DPF1: variants seen among roughly 807,000 people sequenced by gnomAD.
The protein encoded by DPF1 is zinc finger protein neuro-d4.
DPF1 carries 14 observed loss-of-function variants against 58.7 expected under a neutral mutation model. The ratio of observed to expected loss-of-function variants is 0.24; its 90% CI spans 0.16 to 0.37. DPF1 has a LOEUF of 0.37. DPF1 is among the 10% of genes least tolerant of loss of function. The pLI, the probability that DPF1 is intolerant of heterozygous loss-of-function variation, is 1.00. For missense variants in DPF1, 345 were observed against 529.9 expected, an observed-to-expected ratio of 0.65 and a Z score of 3.43; for synonymous variants, 216 against 216.0, an observed-to-expected ratio of 1.00 and a Z score of 0.00.
chr19:38,216,603 T>A, intron 7 of DPF1, 200 bp from the exon 8 acceptor site: 1 of 546,328 alleles, frequency 1.8e-6, no homozygotes, highest in Middle Eastern at 5.1e-4. Flanking sequence ...TTTTTTTCAA[T>A]TAAAAATAAA....
intron 7 of DPF1, 55 bp from the exon 8 acceptor site, chr19:38,216,458 G>T: frequency 1.3e-6 from 2 of 1,510,600 alleles, no homozygotes; most frequent in Non-Finnish European, 8.8e-7. Flanking sequence ...GCTCCACCCT[G>T]CCCCCAGCCT....
chr19:38,215,023 T>G (rs1157695828), intron 9 of DPF1, among the ~76,000 whole-genome samples: 1 of 151,274 alleles, frequency 6.6e-6, no homozygotes, highest in Admixed American at 6.6e-5. Flanking sequence ...TTTATAGAGA[T>G]GGGGTTTCAC....
intron 10 of DPF1, among the ~76,000 whole-genome samples, chr19:38,213,215 T>C (rs2146114739): frequency 6.6e-6 from 1 of 152,208 alleles, no homozygotes; most frequent in South Asian, 2.1e-4. Flanking sequence ...TCTCAGGTGG[T>C]CCACCCACCT....
chr19:38,223,494 C>T (rs1031619280), intron 1 of DPF1, among the ~76,000 whole-genome samples: 15 of 142,690 alleles, frequency 1.1e-4, no homozygotes, highest in African/African-American at 3.6e-4. Flanking sequence ...TCCACACAGA[C>T]ACACACACAT....
At position 38,217,605 on chromosome 19, in the gene DPF1, G is replaced by A. The variant is rs770848427; in HGVS notation, c.596-14C>T. On this transcript the variant is annotated splice_polypyrimidine_tract_variant and intron_variant, in intron 6 of 11. Transcript: ENST00000355526. The stretch of plus-strand genomic sequence containing the variant: ...GTTTCCCACAGACTGGGGAGCGAGC[G>A]AGCCAGGAGGGCCTGTCAGCCCCTC... The A allele has an allele frequency of 1.4e-5, 21 of 1,540,454 alleles. 1 individual carries two copies. The highest frequency in any genetic ancestry group is 2.7e-5 in the African/African-American group (2 of 72,912).
rs1967568805 is a variant in DPF1 at position 38,222,506 on chromosome 19, G to T, written c.190+42C>A. The T allele has an allele frequency of 1.3e-6, 2 of 1,595,146 alleles. No individual in the cohort carries two copies. Among genetic ancestry groups the T allele is most frequent in the Non-Finnish European group, 1.7e-6 (2 of 1,173,138 alleles). ...GTGAGAGGGCGGCGGCGGTGGGGCG[G>T]CCTGGCCCCGCCCCGCCCTGCGCCA... On this transcript the variant is annotated intron_variant, in intron 2 of 11. Coordinates refer to ENST00000355526, the MANE Select transcript of DPF1 (RefSeq NM_001135155.3). This position sits in a 1 kb window ranked among gnomAD's most constrained non-coding sequence, Gnocchi z 4.9.
Position 38,229,531 on chromosome 19 carries a change from AGGGGGC to A in DPF1, c.-132+22_-132+27del. ...GGGCTCCTGGTGGGGGGGTCTGGACAGGGGGCGGGGACGGCAGGGACACTCACGACT... is the reference window on the plus strand; with the variant it reads ...GGGCTCCTGGTGGGGGGGTCTGGACAGGGGACGGCAGGGACACTCACGACT... On this transcript the variant is annotated intron_variant, in intron 1 of 11. Transcript: ENST00000412732. The surrounding 1 kb of genome is among the most constrained non-coding windows in gnomAD (Gnocchi z 5.3). The A allele has an allele frequency of 1.2e-6, 1 of 815,252 alleles. No individual in the cohort carries two copies. Among genetic ancestry groups the A allele is most frequent in the Non-Finnish European group, 1.5e-6 (1 of 686,160 alleles). The allele number at this position is 815,252 out of a possible 1,614,324, so 50.5% of individuals were successfully genotyped here.
intron 1 of DPF1, chr19:38,223,816 G>A (rs73630117): frequency 0.014 from 4,149 of 299,266 alleles, 171 homozygotes; most frequent in African/African-American, 0.082. Flanking sequence ...CAAGGCCCCC[G>A]CACCCCCGGG....
In DPF1 at chr19:38,222,580, T is replaced by C. The variant is rs987214296; in HGVS notation, c.158A>G (p.Tyr53Cys). The C allele has an allele frequency of 6.2e-7, 1 of 1,611,692 alleles. No homozygotes were observed. Among genetic ancestry groups the C allele is most frequent in the Non-Finnish European group, 8.5e-7 (1 of 1,179,116 alleles). Residue 53 changes from tyrosine (Y) to cysteine (C), a missense_variant, in exon 2 of 12, where the codon TAC (tyrosine) becomes TGC (cysteine). Physicochemically the swap from Tyr to Cys is radical, Grantham distance 194 (BLOSUM62 -2). Coordinates refer to ENST00000355526, the MANE Select transcript of DPF1 (RefSeq NM_001135155.3). The surrounding 1 kb of genome is among the most constrained non-coding windows in gnomAD (Gnocchi z 4.9). Reference protein sequence around the residue: ...SQTGVAQNNCYIWMEKTHRGP... With the variant: ...SQTGVAQNNCCIWMEKTHRGP... ...GCGGTGGGTCTTCTCCATCCAGATG[T>C]AGCAGTTGTTCTGGGCCACGCCGGT...
At position 38,218,999 on chromosome 19, in the gene DPF1, G is replaced by C. The variant is rs766805882; in HGVS notation, c.358C>G (p.Leu120Val). The C allele has an allele frequency of 1.9e-6, 3 of 1,614,086 alleles. No homozygotes were observed. The African/African-American group carries it at 4.0e-5, about 22-fold the overall frequency. ...TTCTCCCCCGTCTCTGCACACAGTA[G>C]AGCCTCGAGGACCGGCCCTTCCGGG... ...GLPEGPVLEA[L>V]LCAETGEKKI... Residue 120 changes from leucine to valine, a missense_variant, in exon 4 of 12, where the codon CTA (leucine) becomes GTA (valine). Leu to Val is a conservative substitution (Grantham distance 32). Transcript: ENST00000355526.
rs892376384 is a variant in DPF1, at chr19:38,212,108, G to A, written c.1119C>T (p.Leu373=). ...CAGAAGCCTTTTCCTTCAGGTGCCG[G>A]AGACAGAGGTGACAGCTCCAGCTCC... ...PEGSWSCHLC[L]RHLKEKASAY... Residue 373 remains leucine (L), a synonymous_variant, in exon 12 of 12, where the codon CTC becomes CTT. Coordinates refer to ENST00000355526, the MANE Select transcript of DPF1 (RefSeq NM_001135155.3). 6 of 1,612,096 alleles carry A rather than the reference G, an allele frequency of 3.7e-6. No individual in the cohort carries two copies. Among genetic ancestry groups the A allele is most frequent in the Admixed American group, 1.7e-5 (1 of 59,856 alleles).
upstream of DPF1, among the ~76,000 whole-genome samples, chr19:38,227,634 TCA>T (rs1160919528): frequency 2.6e-5 from 4 of 152,208 alleles, no homozygotes; most frequent in Non-Finnish European, 1.5e-5. Flanking sequence ...TTGGTCAGTG[TCA>T]GTCTCTGTGC....
At chr19:38,216,446 A>G in intron 7 of DPF1, 43 bp from the exon 8 acceptor site, 1 of 1,539,102 alleles carries the variant, frequency 6.5e-7, no homozygotes, top group Non-Finnish European at 8.7e-7. Context: ...ACCACAGGCA[A>G]GGCTCCACCC....
intron 8 of DPF1, 37 bp downstream of exon 8, chr19:38,216,316 G>A: frequency 6.2e-7 from 1 of 1,608,160 alleles, no homozygotes; most frequent in Non-Finnish European, 8.5e-7. Flanking sequence ...CCGCAAAGGT[G>A]GCTGCAGACT....
At chr19:38,227,105 G>T (rs1370782901), upstream of DPF1, among the ~76,000 whole-genome samples, 9 of 126,092 alleles carry the variant, frequency 7.1e-5, no homozygotes, top group Non-Finnish European at 1.4e-4. Context: ...TTTGGACAGC[G>T]TCTCACTCGA....
At chr19:38,218,688 T>C in intron 4 of DPF1, 26 bp from the exon 5 acceptor site, 1 of 1,613,128 alleles carries the variant, frequency 6.2e-7, no homozygotes, top group East Asian at 2.2e-5. Context: ...AGGAGACGGG[T>C]CAAGAAAGTG....
chr19:38,226,340 C>T (rs969086689), upstream of DPF1, among the ~76,000 whole-genome samples: 5 of 146,402 alleles, frequency 3.4e-5, no homozygotes, highest in African/African-American at 1.3e-4. Context: ...AGCCAGCATT[C>T]AAATTTGGGC....
chr19:38,217,385 A>ACCC, intron 7 of DPF1, 75 bp downstream of exon 7: 72 of 183,382 alleles, frequency 3.9e-4, no homozygotes, highest in East Asian at 6.3e-4. Context: ...ATGCCCCCCC[A>ACCC]CCCCCACCCC....
At chr19:38,212,221 C>A (rs1973489284) in intron 11 of DPF1, 59 bp downstream of exon 11, 23 of 1,515,736 alleles carry the variant, frequency 1.5e-5, no homozygotes, top group Non-Finnish European at 2.1e-5. Flanking sequence ...CAGTCTTCCA[C>A]AACCAGGAGA....
Sources: gnomAD v4.1 joint callset for allele counts (sites outside exome capture counted in the v4.1 genomes callset) on GRCh38, gnomAD v4.1.1 for gene constraint, Gnocchi (gnomAD v3.1) non-coding constraint, MANE v1.5 for transcripts, NCBI Gene and HGNC (gene_info 2026-07-23, HGNC 2026-07-21) for gene names.